The following CORO1B variants were observed in gnomAD, a reference collection of about 807,000 sequenced individuals.
The protein encoded by CORO1B is coronin-1B.
In CORO1B, 30 loss-of-function variants were observed where a neutral mutation model predicts 51.1. The observed-to-expected ratio is 0.59, with a 90% CI of 0.44 to 0.80. The LOEUF (loss-of-function observed/expected upper bound fraction) is 0.80. Ranked by LOEUF, CORO1B falls within the 30% of genes least tolerant of loss-of-function variation. The pLI, the probability that CORO1B is intolerant of heterozygous loss-of-function variation, is 0.00. For missense variants in CORO1B, 648 were observed against 700.4 expected (o/e 0.93, Z 0.84); for synonymous variants, 310 against 289.7 (o/e 1.07, Z -0.71).
Position 67,440,319 on chromosome 11 carries a change from C to T in CORO1B, c.861+16G>A, listed in dbSNP as rs1336288705. 14 of 1,613,018 alleles carry T rather than the reference C, an allele frequency of 8.7e-6. No individual in the cohort carries two copies. The highest frequency in any genetic ancestry group is 1.1e-5 in the Non-Finnish European group (13 of 1,179,598). ...ACGCCTCTTCCCTGCCCCTCGCCAG[C>T]CCTGCCCAGCCCCACCTTGCCGCAG... On this transcript the variant is annotated intron_variant, in intron 7 of 10. Coordinates refer to ENST00000341356, the MANE Select transcript of CORO1B (RefSeq NM_020441.3).
In CORO1B at chr11:67,438,951, T is replaced by C; in HGVS notation, c.1066-2A>G. On this transcript the variant is annotated splice_acceptor_variant, in intron 9 of 10. Coordinates refer to ENST00000341356, the MANE Select transcript of CORO1B (RefSeq NM_020441.3). LOFTEE classifies it high-confidence loss of function. ...CAGATCATCCTGGAAGAGGTCCGAC[T>C]GGGCAGGGGGCCGGGGAGGTCAGGA... 6.3e-7 allele frequency: 1 copy of C among 1,597,862 alleles called. No homozygotes were observed.
At position 67,439,821 on chromosome 11, in the gene CORO1B, T is replaced by TG; in HGVS notation, c.1029dup (p.Lys344GlnfsTer3). 6.3e-7 allele frequency: 1 copy of TG among 1,587,788 alleles called. No homozygotes were observed. Among genetic ancestry groups the TG allele is most frequent in the Non-Finnish European group, 8.6e-7 (1 of 1,167,574 alleles). On this transcript the variant is annotated frameshift_variant, in exon 9 of 11. Coordinates refer to ENST00000341356, the MANE Select transcript of CORO1B (RefSeq NM_020441.3). LOFTEE classifies it high-confidence loss of function. ...ACAGTCATGACGATGGGCTCACACTTGCGCTCATGCAGTTTGTAGAACCTG... is the reference window on the plus strand; with the variant it reads ...ACAGTCATGACGATGGGCTCACACTTGGCGCTCATGCAGTTTGTAGAACCTG...
intron 4 of CORO1B, 27 bp from the exon 5 acceptor site, chr11:67,441,541 G>A: frequency 6.2e-7 from 1 of 1,602,972 alleles, no homozygotes; most frequent in Admixed American, 1.7e-5. Context: ...GTCAGCTCGG[G>A]CCGGGTGGGT....
Position 67,436,093 on chromosome 11 carries a change from T to C in CORO1B, c.*2283A>G. Reference sequence around the variant, plus strand: ...CAGCTCGGGCCTGCAGCCAGCGACCTGGGGGGCTGGCCCAGAGCAGGCGCC... The same window carrying C: ...CAGCTCGGGCCTGCAGCCAGCGACCCGGGGGGCTGGCCCAGAGCAGGCGCC... On this transcript the variant is annotated 3_prime_UTR_variant, in exon 11 of 11. Coordinates refer to ENST00000341356, the MANE Select transcript of CORO1B (RefSeq NM_020441.3). The C allele has an allele frequency of 1.2e-6, 2 of 1,610,404 alleles. No homozygotes were observed. Among genetic ancestry groups the C allele is most frequent in the Non-Finnish European group, 1.7e-6 (2 of 1,178,732 alleles).
Position 67,436,223 on chromosome 11 carries a change from A to T in CORO1B, c.*2153T>A. On this transcript the variant is annotated 3_prime_UTR_variant, in exon 11 of 11. Coordinates refer to ENST00000341356, the MANE Select transcript of CORO1B (RefSeq NM_020441.3). ...CAGTGCTAGGCCAGTGGCCAGCAGTAGGAGCAGCAGCAGCAGCAGGACAAC... is the reference window on the plus strand; with the variant it reads ...CAGTGCTAGGCCAGTGGCCAGCAGTTGGAGCAGCAGCAGCAGCAGGACAAC... 1 of 1,548,642 alleles carries T rather than the reference A, an allele frequency of 6.5e-7. No homozygotes were observed. The highest frequency in any genetic ancestry group is 8.7e-7 in the Non-Finnish European group (1 of 1,149,758).
chr11:67,438,506 G>A lies in CORO1B; in HGVS notation c.1345-5C>T. ...CTCCTCCAGCTTCCCAGCCTCCTGT[G>A]GGGACATGAAGCAGGGGTAGGGGGC... On this transcript the variant is annotated splice_region_variant and splice_polypyrimidine_tract_variant and intron_variant, in intron 10 of 10. Coordinates refer to ENST00000341356, the MANE Select transcript of CORO1B (RefSeq NM_020441.3). The A allele has an allele frequency of 6.2e-7, 1 of 1,605,076 alleles. No individual in the cohort carries two copies. The highest frequency in any genetic ancestry group is 8.5e-7 in the Non-Finnish European group (1 of 1,174,470).
At chr11:67,439,983 G>C (rs986705895) in intron 8 of CORO1B, 135 bp downstream of exon 8, 1 of 1,406,634 alleles carries the variant, frequency 7.1e-7, no homozygotes, top group Admixed American at 2.0e-5. Context: ...ACCCCCACAC[G>C]GGCTGCCTCG....
Position 67,436,544 on chromosome 11 carries a change from C to T in CORO1B, c.*1832G>A. On this transcript the variant is annotated 3_prime_UTR_variant, in exon 11 of 11. Transcript: ENST00000341356. ...TGAGATCAGCCCCCATCCCTCCAGC[C>T]TCCTCCCTACCACTCACCTCCCCCA... is the stretch of plus-strand genomic sequence containing the variant. 1 of 566,700 alleles carries T rather than the reference C, an allele frequency of 1.8e-6. No homozygotes were observed. The highest frequency in any genetic ancestry group is 2.8e-6 in the Non-Finnish European group (1 of 353,586). The allele number at this position is 566,700 out of a possible 1,614,324, so 35.1% of individuals were successfully genotyped here.
Position 67,435,982 on chromosome 11 carries a change from C to T in CORO1B, c.*2394G>A, listed in dbSNP as rs553819262. 7 of 1,613,754 alleles carry T rather than the reference C, an allele frequency of 4.3e-6. No homozygotes were observed. In the African/African-American group the frequency reaches 9.3e-5, roughly 22 times the overall value. On this transcript the variant is annotated 3_prime_UTR_variant, in exon 11 of 11. Transcript: ENST00000341356. ...GCTGCTCGCCTTCCCCAGGGTCAGCCTGCAGGCCACCATCCGCGACGTGGT... is the reference window on the plus strand; with the variant it reads ...GCTGCTCGCCTTCCCCAGGGTCAGCTTGCAGGCCACCATCCGCGACGTGGT...
intron 8 of CORO1B, 80 bp from the exon 9 acceptor site, chr11:67,439,923 T>C: frequency 1.6e-6 from 2 of 1,246,860 alleles, no homozygotes; most frequent in Middle Eastern, 2.4e-4. Flanking sequence ...CATCCTCCAC[T>C]TCCAGTCCTC....
At position 67,441,231 on chromosome 11, in the gene CORO1B, G is replaced by A. The variant is rs545641837; in HGVS notation, c.650C>T (p.Ala217Val). The change falls in exon 6 of 11, where the codon GCT becomes GTT. Residue 217 changes from alanine (A) to valine (V), a missense_variant. Transcript: ENST00000341356. ...CCGCATGGGCCGGGCCCCCTCATGA[G>A]CCTTCTCCCGCTCCTGTCGGGGGGA... Reference protein sequence around the residue: ...RGTLVAEREKAHEGARPMRAI... With the variant: ...RGTLVAEREKVHEGARPMRAI... The A allele has an allele frequency of 1.2e-6, 2 of 1,613,142 alleles. No individual in the cohort carries two copies. Among genetic ancestry groups the A allele is most frequent in the Admixed American group, 3.3e-5 (2 of 60,026 alleles).
intron 1 of CORO1B, among the ~76,000 whole-genome samples, chr11:67,443,194 G>C (rs1460438374): frequency 1.3e-5 from 2 of 152,204 alleles, no homozygotes; most frequent in African/African-American, 2.4e-5. Flanking sequence ...CCTCGAATCG[G>C]GGTCCAGGGT....
At chr11:67,442,159 G>A (rs1864410052) in intron 2 of CORO1B, 71 bp from the exon 3 acceptor site, 27 of 1,581,222 alleles carry the variant, frequency 1.7e-5, no homozygotes, top group Non-Finnish European at 2.2e-5. Context: ...CCATGGAGTG[G>A]GAATGACATG....
At chr11:67,440,067 C>A in intron 8 of CORO1B, 51 bp downstream of exon 8, 1 of 1,564,290 alleles carries the variant, frequency 6.4e-7, no homozygotes. Flanking sequence ...AATGACCTGA[C>A]CTCTCACCTT....
At position 67,438,860 on chromosome 11, in the gene CORO1B, G is replaced by A. The variant is rs1046732002; in HGVS notation, c.1155C>T (p.Ala385=). The change falls in exon 10 of 11, where the codon GCC becomes GCT. Residue 385 remains alanine, a synonymous_variant. Transcript: ENST00000341356. ...CCCGCAGTGAGATGAGGATCGGGTC[G>A]GCATCCCGCCCGCTCACCCACTCCT... ...EAEEWVSGRD[A]DPILISLREA... is the part of the protein sequence containing the mutation. 4.4e-6 allele frequency: 7 copies of A among 1,608,626 alleles called. No homozygotes were observed. In the Admixed American group the frequency reaches 5.0e-5, roughly 12 times the overall value.
At chr11:67,441,916 C>A in intron 3 of CORO1B, 50 bp downstream of exon 3, 1 of 1,613,024 alleles carries the variant, frequency 6.2e-7, no homozygotes, top group Non-Finnish European at 8.5e-7. Flanking sequence ...CTATTGCTGG[C>A]CCCCTTCGGC....
At chr11:67,439,329 G>A (rs1013660518) in intron 9 of CORO1B, among the ~76,000 whole-genome samples, 1 of 152,218 alleles carries the variant, frequency 6.6e-6, no homozygotes, top group African/African-American at 2.4e-5. Context: ...AAGCGTGTCC[G>A]AGGCTCTTGG....
At position 67,441,384 on chromosome 11, in the gene CORO1B, G is replaced by A; in HGVS notation, c.585C>T (p.Cys195=). The A allele has an allele frequency of 1.2e-6, 2 of 1,613,792 alleles. No individual in the cohort carries two copies. Among genetic ancestry groups the A allele is most frequent in the Non-Finnish European group, 1.7e-6 (2 of 1,180,022 alleles). The change falls in exon 5 of 11, where the codon TGC becomes TGT. Residue 195 remains cysteine (C), a synonymous_variant. Coordinates refer to ENST00000341356, the MANE Select transcript of CORO1B (RefSeq NM_020441.3). ...NHNGSLFCSA[C]KDKSVRIIDP... is the part of the protein sequence containing the mutation. ...CGATGATGCGCACGCTCTTGTCCTT[G>A]CATGCTGAGCAAAACAGGCTGCCAT... is the stretch of plus-strand genomic sequence containing the variant.
chr11:67,438,902 CTCGGGCCCGGCTGTG>C lies in CORO1B; in HGVS notation c.1098_1112del (p.Asp366_Pro370del). ...CCCACTCCTCAGCCTCCAGGGCTGC[CTCGGGCCCGGCTGTG>C]TCGGGGTACAGATCATCCTGGAAGA... is the stretch of plus-strand genomic sequence containing the variant. On this transcript the variant is annotated inframe_deletion, in exon 10 of 11. Transcript: ENST00000341356. The C allele has an allele frequency of 6.2e-7, 1 of 1,609,478 alleles. No individual in the cohort carries two copies. Among genetic ancestry groups the C allele is most frequent in the South Asian group, 1.1e-5 (1 of 90,406 alleles).
Sources: allele counts gnomAD v4.1 joint callset (sites outside exome capture counted in the v4.1 genomes callset), GRCh38; gene constraint gnomAD v4.1.1; transcripts MANE v1.5; gene names NCBI Gene and HGNC (gene_info 2026-07-23, HGNC 2026-07-21).